The following THOC1 variants were observed in gnomAD, a reference collection of about 807,000 sequenced individuals.
The protein encoded by THOC1 is THO complex 1.
A neutral mutation model predicts 97.3 loss-of-function variants in THOC1; 29 were observed. The ratio of observed to expected loss-of-function variants is 0.30; its 90% CI spans 0.22 to 0.41. The LOEUF is 0.41. THOC1 is among the 10% of genes least tolerant of loss of function. The pLI is 1.00. For synonymous variants in THOC1, 255 were observed against 257.0 expected (o/e 0.99, Z 0.07); for missense variants, 529 against 761.9 (o/e 0.69, Z 3.60).
chr18:250,563 A>G (rs568004871), intron 9 of THOC1, among the ~76,000 whole-genome samples: 175 of 152,368 alleles, frequency 1.1e-3, no homozygotes, highest in African/African-American at 4.1e-3. Context: ...GATGTTATAC[A>G]TTGAAATTTC....
At chr18:222,360 C>T (rs1039338993) in intron 17 of THOC1, among the ~76,000 whole-genome samples, 1 of 152,288 alleles carries the variant, frequency 6.6e-6, no homozygotes, top group African/African-American at 2.4e-5. Context: ...TTCCTTAAGA[C>T]AGCTTTTTTA....
chr18:259,174 G>C lies in THOC1; in HGVS notation c.520+6C>G. On this transcript the variant is annotated splice_donor_region_variant and intron_variant, in intron 7 of 20. Transcript: ENST00000261600. ...CAGAAAACTCATTTAATGCATAAAAGCTTACCTGATTTCTCAGACAGAGGG... is the reference window on the plus strand; with the variant it reads ...CAGAAAACTCATTTAATGCATAAAACCTTACCTGATTTCTCAGACAGAGGG... The C allele has an allele frequency of 1.2e-6, 2 of 1,606,322 alleles. No individual in the cohort carries two copies. The highest frequency in any genetic ancestry group is 1.7e-6 in the Non-Finnish European group (2 of 1,175,508).
chr18:220,465 A>G (rs771631870), intron 17 of THOC1, among the ~76,000 whole-genome samples: 3 of 152,208 alleles, frequency 2.0e-5, no homozygotes, highest in Admixed American at 6.5e-5. Flanking sequence ...CAACACACCT[A>G]CTAGTGGGGC....
At chr18:227,027 G>C in intron 11 of THOC1, 126 bp from the exon 12 acceptor site, 1 of 739,868 alleles carries the variant, frequency 1.4e-6, no homozygotes, top group Non-Finnish European at 2.2e-6. Context: ...TTTGTTGAGA[G>C]TTCACTGCAT....
intron 9 of THOC1, 32 bp downstream of exon 9, chr18:252,507 T>A: frequency 6.5e-7 from 1 of 1,534,418 alleles, no homozygotes; most frequent in South Asian, 1.1e-5. Context: ...ATTATCTCTG[T>A]AAATCAAAAA....
Position 254,234 on chromosome 18 carries a change from GC to G in THOC1, c.603+38del. On this transcript the variant is annotated intron_variant, in intron 8 of 20. Transcript: ENST00000261600. This position sits in a 1 kb window ranked among gnomAD's most constrained non-coding sequence, Gnocchi z 4.1. ...GACCCACTATCTTAATAACAAACTT[GC>G]AAATATGTTATCTGAGAAGATTTCA... 1 of 1,413,172 alleles carries G rather than the reference GC, an allele frequency of 7.1e-7. No individual in the cohort carries two copies. Among genetic ancestry groups the G allele is most frequent in the Non-Finnish European group, 9.8e-7 (1 of 1,019,176 alleles). 87.5% of individuals were successfully genotyped at this position (1,413,172 alleles called of 1,614,324 possible).
intron 11 of THOC1, among the ~76,000 whole-genome samples, chr18:233,201 A>T (rs1384979584): frequency 6.6e-6 from 1 of 152,208 alleles, no homozygotes; most frequent in Non-Finnish European, 1.5e-5. Flanking sequence ...ACTTTCAATT[A>T]ACCTGGAATT....
intron 11 of THOC1, among the ~76,000 whole-genome samples, chr18:229,674 A>G (rs1011053808): frequency 1.3e-5 from 2 of 152,124 alleles, no homozygotes; most frequent in East Asian, 1.9e-4. Context: ...CAGAGCAACA[A>G]TCGGTCTTGG....
intron 1 of THOC1, 155 bp from the exon 2 acceptor site, chr18:265,685 A>G: frequency 1.7e-6 from 1 of 599,738 alleles, no homozygotes; most frequent in Non-Finnish European, 2.9e-6. Flanking sequence ...TCCTTATTCC[A>G]ATGCTACTTC....
chr18:267,376 G>A (rs1222820704), intron 1 of THOC1, among the ~76,000 whole-genome samples: 1 of 152,202 alleles, frequency 6.6e-6, no homozygotes, highest in Non-Finnish European at 1.5e-5. Flanking sequence ...GATCTGTCAA[G>A]TGTTTCCCAA....
Position 214,632 on chromosome 18 carries a change from ATT to A in THOC1, c.1966_1967del (p.Asn656Ter). ...AAAAGAAAAAAAAAAGAAGCTAACT[ATT>A]TGTCTCATTGTCATTAGTTAGACTT... Reference protein sequence around the residue: ...AESLTNDNETNS With the variant: ...AESLTNDNETXS On this transcript the variant is annotated frameshift_variant, in exon 21 of 21. Transcript: ENST00000261600. LOFTEE classifies it high-confidence loss of function. 1 of 1,603,442 alleles carries A rather than the reference ATT, an allele frequency of 6.2e-7. No individual in the cohort carries two copies. The highest frequency in any genetic ancestry group is 2.2e-5 in the East Asian group (1 of 44,782).
Position 214,787 on chromosome 18 carries a change from C to G in THOC1, c.1813G>C (p.Asp605His), listed in dbSNP as rs1271486053. 6.2e-7 allele frequency: 1 copy of G among 1,613,944 alleles called. No homozygotes were observed. The highest frequency in any genetic ancestry group is 2.2e-5 in the East Asian group (1 of 44,880). Residue 605 changes from aspartate to histidine, a missense_variant, in exon 21 of 21, where the codon GAC becomes CAC. By Grantham distance (81) the Asp-to-His change is moderately conservative (BLOSUM62 -1). Coordinates refer to ENST00000261600, the MANE Select transcript of THOC1 (RefSeq NM_005131.3). ...GCTCTCATCTTCATGTCTTCACTGT[C>G]ACACTCAATCTGCCTAATTTCTGAG... ...KDSEIRQIECDSEDMKMRAKQ... is the reference protein window; with the variant it reads ...KDSEIRQIECHSEDMKMRAKQ...
At chr18:259,874 ATT>A in intron 5 of THOC1, 144 bp from the exon 6 acceptor site, 1 of 559,476 alleles carries the variant, frequency 1.8e-6, no homozygotes, top group East Asian at 3.3e-5. Flanking sequence ...AGCAAATAAC[ATT>A]TTCAATGAAA....
rs552209194 is a variant in THOC1 at position 255,801 on chromosome 18, G to T, written c.521-1446C>A. ...AGGGACAGGCTGACTCTCTTGTTAG[G>T]AGCTAATGCAGCTGGTGACTTTAAG... On this transcript the variant is annotated intron_variant, in intron 7 of 20. Coordinates refer to ENST00000261600, the MANE Select transcript of THOC1 (RefSeq NM_005131.3). 3.9e-5 allele frequency among the ~76,000 whole-genome samples: 6 copies of T among 152,290 alleles called. No homozygotes were observed. The South Asian group carries it at 1.2e-3, about 32-fold the overall frequency.
intron 11 of THOC1, 165 bp downstream of exon 11, chr18:246,159 T>A: frequency 1.7e-6 from 1 of 575,536 alleles, no homozygotes. Flanking sequence ...GTCCTACTTC[T>A]GAAAGGAAGA....
Position 218,972 on chromosome 18 carries a change from G to C in THOC1, c.1371-3C>G. 6.3e-7 allele frequency: 1 copy of C among 1,594,440 alleles called. No individual in the cohort carries two copies. Among genetic ancestry groups the C allele is most frequent in the Non-Finnish European group, 8.6e-7 (1 of 1,169,090 alleles). On this transcript the variant is annotated splice_region_variant and splice_polypyrimidine_tract_variant and intron_variant, in intron 17 of 20. Coordinates refer to ENST00000261600, the MANE Select transcript of THOC1 (RefSeq NM_005131.3). ...CCTCCAAAGTGGGCATGTGTTCCCTGAGCGGTACAAAAATAACCAGTGAGG... is the reference window on the plus strand; with the variant it reads ...CCTCCAAAGTGGGCATGTGTTCCCTCAGCGGTACAAAAATAACCAGTGAGG...
chr18:227,457 G>A (rs1171703385), intron 11 of THOC1, among the ~76,000 whole-genome samples: 1 of 152,206 alleles, frequency 6.6e-6, no homozygotes, highest in East Asian at 1.9e-4. Flanking sequence ...GCCTGCAACA[G>A]AGGTATTACT....
chr18:264,126 G>C (rs897135944), intron 3 of THOC1, 34 bp from the exon 4 acceptor site: 8 of 1,507,320 alleles, frequency 5.3e-6, no homozygotes, highest in Middle Eastern at 1.7e-4. Flanking sequence ...TAATTTAGGG[G>C]CAAGAGTTCA....
At position 246,352 on chromosome 18, in the gene THOC1, T is replaced by C. The variant is rs1912086344; in HGVS notation, c.890A>G (p.Tyr297Cys). 6.3e-7 allele frequency: 1 copy of C among 1,592,476 alleles called. No individual in the cohort carries two copies. The highest frequency in any genetic ancestry group is 8.6e-7 in the Non-Finnish European group (1 of 1,164,512). ...TTCACTTGTTAAAAATTTTGCAAAA[T>C]ATACATGTTCTCCTCCTGTTTTCAA... ...EELKTGGEHV[Y>C]FAKFLTSEKL... The change falls in exon 11 of 21, where the codon TAT becomes TGT. Residue 297 changes from tyrosine (Y) to cysteine (C), a missense_variant. Tyr to Cys is a radical substitution (Grantham distance 194, BLOSUM62 -2). Around this residue, in one of 8 missense-constraint regions of THOC1, gnomAD observed 25 missense variants for 69.5 expected, o/e 0.36. Transcript: ENST00000261600.
Sources: gnomAD v4.1 joint callset for allele counts (sites outside exome capture counted in the v4.1 genomes callset) on GRCh38, gnomAD v4.1.1 for gene constraint, gnomAD v4.1.1 regional missense constraint, Gnocchi (gnomAD v3.1) non-coding constraint, MANE v1.5 for transcripts, NCBI Gene and HGNC (gene_info 2026-07-23, HGNC 2026-07-21) for gene names.